SH2D4B: variants seen among roughly 807,000 people sequenced by gnomAD.
SH2D4B encodes the protein SH2 domain-containing protein 4B.
A neutral mutation model predicts 61.5 loss-of-function variants in SH2D4B; 45 were observed. The ratio of observed to expected loss-of-function variants is 0.73; its 90% CI spans 0.58 to 0.94. The LOEUF (loss-of-function observed/expected upper bound fraction) is 0.94. Among genes scored for constraint, SH2D4B ranks in the 40% least tolerant of loss-of-function variants. SH2D4B has a pLI of 0.00. For synonymous variants in SH2D4B, 224 were observed against 220.4 expected (o/e 1.02, Z -0.14); for missense variants, 572 against 574.2 (o/e 1.00, Z 0.04).
intron 3 of SH2D4B, among the ~76,000 whole-genome samples, chr10:80,575,312 C>A (rs1842112143): frequency 6.6e-6 from 1 of 151,972 alleles, no homozygotes; most frequent in Non-Finnish European, 1.5e-5. Flanking sequence ...TAAAGGAAGT[C>A]ATGGATGATG....
In SH2D4B at chr10:80,598,932, G is replaced by A. The variant is rs146290306; in HGVS notation, c.644-4647G>A. ...TACTGTTACTAGGTTAGAAATGTAA[G>A]CAGGACTTTGGAGTTGTCAGAGGGA... On this transcript the variant is annotated intron_variant, in intron 4 of 7. Coordinates refer to ENST00000646907, the MANE Select transcript of SH2D4B (RefSeq NM_001388272.1). Among the ~76,000 whole-genome samples the A allele has an allele frequency of 4.3e-3, 653 of 152,292 alleles. 6 individuals carry two copies. The highest frequency in any genetic ancestry group is 0.015 in the African/African-American group (617 of 41,556).
chr10:80,635,953 C>A (rs556706392), intron 7 of SH2D4B, among the ~76,000 whole-genome samples: 1 of 152,168 alleles, frequency 6.6e-6, no homozygotes, highest in South Asian at 2.1e-4. Flanking sequence ...CCCCCTTCCC[C>A]CAACCGCACA....
In SH2D4B at chr10:80,538,127, T is replaced by C. The variant is rs1251783646; in HGVS notation, c.-205T>C. On this transcript the variant is annotated 5_prime_UTR_variant, in exon 1 of 8. Coordinates refer to ENST00000646907, the MANE Select transcript of SH2D4B (RefSeq NM_001388272.1). This position sits in a 1 kb window ranked among gnomAD's most constrained non-coding sequence, Gnocchi z 4.8. ...ACCTGCCCCTTTGGGTCCTGTTGCC[T>C]GGCCTCTTTTGCTGTCCTGGGTAGA... is the stretch of plus-strand genomic sequence containing the variant. 5.6e-6 allele frequency: 2 copies of C among 355,986 alleles called. No homozygotes were observed. Among genetic ancestry groups the C allele is most frequent in the Non-Finnish European group, 9.8e-6 (2 of 203,272 alleles). 22.1% of individuals were successfully genotyped at this position (355,986 alleles called of 1,614,324 possible).
intron 4 of SH2D4B, among the ~76,000 whole-genome samples, chr10:80,598,347 G>C (rs1842410037): frequency 1.3e-5 from 2 of 152,210 alleles, no homozygotes; most frequent in South Asian, 4.1e-4. Flanking sequence ...TAGGGATGGA[G>C]AATGGAAATC....
In SH2D4B at chr10:80,645,724, GC is replaced by G. The variant is rs1449178859; in HGVS notation, c.*1640del. On this transcript the variant is annotated 3_prime_UTR_variant, in exon 8 of 8. Coordinates refer to ENST00000646907, the MANE Select transcript of SH2D4B (RefSeq NM_001388272.1). ...TGGGATTGCACTTCTGAATGAAGTA[GC>G]AGCTCATAAGCTTTTGCCACAGGCT... The G allele has an allele frequency of 6.6e-6, 1 of 152,220 alleles. No homozygotes were observed. The highest frequency in any genetic ancestry group is 1.5e-5 in the Non-Finnish European group (1 of 68,092). 9.4% of individuals were successfully genotyped at this position (152,220 alleles called of 1,614,324 possible). A position where few individuals can be genotyped will look rare whatever the true frequency, so the allele number is the denominator to read the frequency against.
intron 6 of SH2D4B, among the ~76,000 whole-genome samples, chr10:80,621,185 T>C (rs1186669403): frequency 6.6e-6 from 1 of 152,232 alleles, no homozygotes; most frequent in Non-Finnish European, 1.5e-5. Flanking sequence ...TGAAGACACA[T>C]TTGATTATCA....
At position 80,588,997 on chromosome 10, in the gene SH2D4B, TTTC is replaced by T. The variant is rs1370519643; in HGVS notation, c.643+223_643+225del. 6.9e-4 allele frequency among the ~76,000 whole-genome samples: 89 copies of T among 128,964 alleles called. 1 individual carries two copies. The highest frequency in any genetic ancestry group is 3.2e-3 in the Admixed American group (43 of 13,288). 84.6% of individuals were successfully genotyped at this position (128,964 alleles called of 152,430 possible). A position where few individuals can be genotyped will look rare whatever the true frequency, so the allele number is the denominator to read the frequency against. On this transcript the variant is annotated intron_variant, in intron 4 of 7. Coordinates refer to ENST00000646907, the MANE Select transcript of SH2D4B (RefSeq NM_001388272.1). Reference sequence around the variant, plus strand: ...CCTGTTGGGGATATTTCTTTTTCTTTTTCTTTTTTTTTTTGTTCTTTTTTGAGA... The same window carrying T: ...CCTGTTGGGGATATTTCTTTTTCTTTTTTTTTTTTTTGTTCTTTTTTGAGA...
intron 5 of SH2D4B, 99 bp from the exon 6 acceptor site, chr10:80,609,325 C>A: frequency 7.7e-7 from 1 of 1,290,892 alleles, no homozygotes. Context: ...CTCCTTTTAC[C>A]TTCCTCTCCC....
chr10:80,626,520 T>C (rs1284805408), intron 6 of SH2D4B, among the ~76,000 whole-genome samples: 10 of 152,248 alleles, frequency 6.6e-5, no homozygotes, highest in African/African-American at 2.4e-4. Context: ...TCGGATTCTA[T>C]ATATGTTAGA....
chr10:80,570,975 A>G (rs962208273), intron 2 of SH2D4B, among the ~76,000 whole-genome samples: 3 of 152,072 alleles, frequency 2.0e-5, no homozygotes, highest in Non-Finnish European at 4.4e-5. Context: ...CCTGGGCTCA[A>G]GTGATCCTCC....
chr10:80,634,263 G>GT (rs71310969), intron 6 of SH2D4B, 22 bp from the exon 7 acceptor site: 285,427 of 1,490,376 alleles, frequency 0.19, 28,803 homozygotes, highest in Admixed American at 0.29. Context: ...GTGTTTTTTT[G>GT]TTTTTTTCTA....
chr10:80,620,811 A>G (rs1412749265), intron 6 of SH2D4B, among the ~76,000 whole-genome samples: 1 of 152,220 alleles, frequency 6.6e-6, no homozygotes, highest in African/African-American at 2.4e-5. Flanking sequence ...TGGTTAACAT[A>G]ATGCCAGGAT....
At chr10:80,630,982 G>A (rs7895727) in intron 6 of SH2D4B, among the ~76,000 whole-genome samples, 1,620 of 152,276 alleles carry the variant, frequency 0.011, 29 homozygotes, top group African/African-American at 0.037. Flanking sequence ...CGTCACTTTG[G>A]TATTACTGGT....
At chr10:80,582,679 C>T (rs1392575213) in intron 3 of SH2D4B, among the ~76,000 whole-genome samples, 1 of 152,192 alleles carries the variant, frequency 6.6e-6, no homozygotes, top group Non-Finnish European at 1.5e-5. Flanking sequence ...ACACCACCTG[C>T]CCTTACCATT....
intron 1 of SH2D4B, among the ~76,000 whole-genome samples, chr10:80,559,637 A>ATTTTT (rs773552620): frequency 7.7e-6 from 1 of 129,954 alleles, no homozygotes; most frequent in Non-Finnish European, 1.7e-5. Context: ...GTGGTCCTGC[A>ATTTTT]TTTTTTTTTT....
intron 1 of SH2D4B, among the ~76,000 whole-genome samples, chr10:80,558,792 G>A (rs185530580): frequency 4.2e-4 from 64 of 152,180 alleles, no homozygotes; most frequent in Admixed American, 9.2e-4. Context: ...GGTGTGAGCC[G>A]CTGCACACAG....
At chr10:80,573,803 A>AT (rs940991461) in intron 3 of SH2D4B, among the ~76,000 whole-genome samples, 6 of 147,572 alleles carry the variant, frequency 4.1e-5, no homozygotes, top group South Asian at 2.1e-4. Context: ...AATCTCACCC[A>AT]TTTTTTTTTC....
At chr10:80,550,461 G>T (rs570841944) in intron 1 of SH2D4B, among the ~76,000 whole-genome samples, 18 of 152,242 alleles carry the variant, frequency 1.2e-4, no homozygotes, top group Non-Finnish European at 2.4e-4. Context: ...GGGCATGGTG[G>T]CAGGCGCCTA....
chr10:80,571,338 G>A (rs2132118472), intron 2 of SH2D4B, 93 bp from the exon 3 acceptor site: 3 of 1,444,768 alleles, frequency 2.1e-6, no homozygotes, highest in East Asian at 2.4e-5. Flanking sequence ...ATAGACCAAG[G>A]AAAAATTGCT....
Sources: gnomAD v4.1 joint callset for allele counts (sites outside exome capture counted in the v4.1 genomes callset) on GRCh38, gnomAD v4.1.1 for gene constraint, Gnocchi (gnomAD v3.1) non-coding constraint, MANE v1.5 for transcripts, NCBI Gene and HGNC (gene_info 2026-07-23, HGNC 2026-07-21) for gene names.